Variants in AP3S1 observed in about 807,000 individuals in gnomAD.
AP3S1 encodes AP-3 complex subunit sigma-1.
A neutral mutation model predicts 21.3 loss-of-function variants in AP3S1; 12 were observed. The ratio of observed to expected loss-of-function variants is 0.56; its 90% CI spans 0.36 to 0.91. The LOEUF (loss-of-function observed/expected upper bound fraction) is 0.91. Among genes scored for constraint, AP3S1 ranks in the 40% least tolerant of loss-of-function variants. AP3S1 has a pLI of 0.01. For missense variants in AP3S1, 116 were observed against 225.0 expected (o/e 0.52, Z 3.10); for synonymous variants, 48 against 78.4 (o/e 0.61, Z 2.05).
chr5:115,880,316 GCT>G (rs1052110655), intron 3 of AP3S1, among the ~76,000 whole-genome samples: 1 of 152,056 alleles, frequency 6.6e-6, no homozygotes, highest in African/African-American at 2.4e-5. Context: ...GATCTTTCCC[GCT>G]TTCTCCTGTG....
chr5:115,874,465 T>C (rs1018425585), intron 3 of AP3S1, among the ~76,000 whole-genome samples: 1 of 152,136 alleles, frequency 6.6e-6, no homozygotes, highest in African/African-American at 2.4e-5. Flanking sequence ...ACTGGATAAT[T>C]CCAAATCTCT....
At chr5:115,889,087 C>T (rs762699937) in intron 3 of AP3S1, among the ~76,000 whole-genome samples, 6 of 152,086 alleles carry the variant, frequency 3.9e-5, no homozygotes, top group Non-Finnish European at 7.4e-5. Context: ...TTTACCACTC[C>T]ATACTTTACC....
At chr5:115,846,105 T>C (rs999561045) in intron 1 of AP3S1, among the ~76,000 whole-genome samples, 1 of 152,152 alleles carries the variant, frequency 6.6e-6, no homozygotes, top group African/African-American at 2.4e-5. Flanking sequence ...TATTTTTACA[T>C]AGCTATCAAA....
chr5:115,843,557 C>T (rs886370947), intron 1 of AP3S1, among the ~76,000 whole-genome samples: 1 of 152,202 alleles, frequency 6.6e-6, no homozygotes, highest in Admixed American at 6.5e-5. Context: ...ATGCCATTAA[C>T]TTTACCTGTT....
At chr5:115,870,992 A>T (rs1156966328) in intron 3 of AP3S1, among the ~76,000 whole-genome samples, 1 of 152,242 alleles carries the variant, frequency 6.6e-6, no homozygotes. Context: ...GGTCCAGATG[A>T]TACCTGCACA....
rs527595799 is a variant in AP3S1, at chr5:115,886,210, G to A, written c.274-8877G>A. Among the ~76,000 whole-genome samples, 21 of 152,284 alleles carry A rather than the reference G, an allele frequency of 1.4e-4. No homozygotes were observed. In the South Asian group the frequency reaches 3.7e-3, roughly 27 times the overall value. The stretch of plus-strand genomic sequence containing the variant: ...TAAAATAATATACTTAAAGCAGTCG[G>A]AACAGTGGTAATGCCACAATACTGT... On this transcript the variant is annotated intron_variant, in intron 3 of 5. Coordinates refer to ENST00000316788, the MANE Select transcript of AP3S1 (RefSeq NM_001284.4).
rs1450029244 is a variant in AP3S1 at position 115,850,967 on chromosome 5, CTT to C, written c.69+8863_69+8864del. On this transcript the variant is annotated intron_variant, in intron 1 of 5. Coordinates refer to ENST00000316788, the MANE Select transcript of AP3S1 (RefSeq NM_001284.4). ...AATTCTCACTAGTTTATAGAAATAA[CTT>C]TGGTTAATGATTGACTAACATTGTT... Among the ~76,000 whole-genome samples the C allele has an allele frequency of 3.3e-5, 5 of 152,254 alleles. No individual in the cohort carries two copies. In the East Asian group the frequency reaches 9.7e-4, roughly 29 times the overall value.
chr5:115,911,311 G>C (rs928297346), intron 5 of AP3S1, among the ~76,000 whole-genome samples: 1 of 151,748 alleles, frequency 6.6e-6, no homozygotes, highest in Non-Finnish European at 1.5e-5. Context: ...GTAAACCATA[G>C]TGTCCAATAA....
At chr5:115,870,796 A>C (rs1463096495) in intron 3 of AP3S1, among the ~76,000 whole-genome samples, 2 of 152,220 alleles carry the variant, frequency 1.3e-5, no homozygotes, top group East Asian at 3.8e-4. Flanking sequence ...AGAATTGTGA[A>C]GGGTCTGAGA....
intron 3 of AP3S1, among the ~76,000 whole-genome samples, chr5:115,876,662 AT>A (rs1748742284): frequency 6.6e-6 from 1 of 152,136 alleles, no homozygotes; most frequent in African/African-American, 2.4e-5. Flanking sequence ...TTTAGCTGCC[AT>A]GTCTTCTTAA....
chr5:115,874,767 A>T (rs1561496085), intron 3 of AP3S1, among the ~76,000 whole-genome samples: 1 of 150,396 alleles, frequency 6.6e-6, no homozygotes, highest in Non-Finnish European at 1.5e-5. Flanking sequence ...ATAGACCTTA[A>T]TTTTTTTTTT....
In AP3S1 at chr5:115,842,076, G is replaced by A. The variant is rs1761603314; in HGVS notation, c.39G>A (p.Lys13=). Residue 13 remains lysine (K), a synonymous_variant, in exon 1 of 6, where the codon AAG becomes AAA. Coordinates refer to ENST00000316788, the MANE Select transcript of AP3S1 (RefSeq NM_001284.4). The part of the protein sequence containing the change: ...KAILIFNNHG[K]PRLSKFYQPY... ...TCCTAATCTTCAACAACCACGGGAA[G>A]CCGCGGCTCTCCAAGTTCTACCAGC... 1.3e-6 allele frequency: 2 copies of A among 1,583,854 alleles called. No individual in the cohort carries two copies. The highest frequency in any genetic ancestry group is 4.7e-5 in the East Asian group (2 of 42,228).
At chr5:115,891,682 C>T (rs2112535352) in intron 3 of AP3S1, among the ~76,000 whole-genome samples, 1 of 152,274 alleles carries the variant, frequency 6.6e-6, no homozygotes, top group Non-Finnish European at 1.5e-5. Context: ...TACTGGGGCA[C>T]TGCCTCGTGG....
intron 5 of AP3S1, among the ~76,000 whole-genome samples, chr5:115,907,246 A>T (rs1416505749): frequency 6.6e-6 from 1 of 152,140 alleles, no homozygotes; most frequent in Non-Finnish European, 1.5e-5. Context: ...ACTCTCACAG[A>T]TTTGTTTTTT....
At chr5:115,892,877 A>C (rs1258108550) in intron 3 of AP3S1, among the ~76,000 whole-genome samples, 2 of 152,218 alleles carry the variant, frequency 1.3e-5, no homozygotes, top group Non-Finnish European at 2.9e-5. Context: ...ATTTTCCTTG[A>C]AGTGATTATC....
intron 1 of AP3S1, 63 bp downstream of exon 1, chr5:115,842,169 C>T: frequency 1.3e-6 from 2 of 1,514,290 alleles, no homozygotes; most frequent in Non-Finnish European, 1.8e-6. Context: ...CAGCGCCCAG[C>T]GCGGCTTTCT....
intron 1 of AP3S1, among the ~76,000 whole-genome samples, chr5:115,849,276 G>A (rs1762272472): frequency 6.6e-6 from 1 of 152,170 alleles, no homozygotes; most frequent in South Asian, 2.1e-4. Flanking sequence ...GCTTGATGGA[G>A]GAAAGCCTAT....
At chr5:115,912,816 T>C (rs1014680154) in intron 5 of AP3S1, among the ~76,000 whole-genome samples, 3 of 152,054 alleles carry the variant, frequency 2.0e-5, no homozygotes, top group African/African-American at 4.8e-5. Flanking sequence ...TAGAACTTTA[T>C]TAGAAAAGTT....
At chr5:115,867,397 A>G (rs2112830633) in intron 2 of AP3S1, among the ~76,000 whole-genome samples, 1 of 152,318 alleles carries the variant, frequency 6.6e-6, no homozygotes, top group Middle Eastern at 3.4e-3. Context: ...TTTTAAAATG[A>G]ATAAGAATAT....
Sources: allele counts gnomAD v4.1 joint callset (sites outside exome capture counted in the v4.1 genomes callset), GRCh38; gene constraint gnomAD v4.1.1; transcripts MANE v1.5; gene names NCBI Gene and HGNC (gene_info 2026-07-23, HGNC 2026-07-21).